SYT12: variants seen among roughly 807,000 people sequenced by gnomAD.
SYT12 encodes the protein synaptotagmin-12.
Under a neutral mutation model 39.5 loss-of-function variants are expected in SYT12, and 27 were observed. The ratio of observed to expected loss-of-function variants is 0.68; its 90% CI spans 0.50 to 0.94. The LOEUF (loss-of-function observed/expected upper bound fraction) is 0.94, where lower values mean the gene tolerates loss of function less well. SYT12 is among the 40% of genes least tolerant of loss of function. SYT12 has a pLI of 0.00. For missense variants in SYT12, 536 were observed against 572.6 expected (o/e 0.94, Z 0.65); for synonymous variants, 233 against 239.7 (o/e 0.97, Z 0.26).
intron 3 of SYT12, among the ~76,000 whole-genome samples, chr11:67,016,097 A>G (rs1431763247): frequency 2.0e-5 from 3 of 152,158 alleles, no homozygotes; most frequent in Non-Finnish European, 2.9e-5. Context: ...CCTGACCAAC[A>G]TGGTGAAACC....
intron 3 of SYT12, among the ~76,000 whole-genome samples, chr11:67,012,958 G>C (rs1414439116): frequency 6.6e-6 from 1 of 152,116 alleles, no homozygotes; most frequent in Non-Finnish European, 1.5e-5. Flanking sequence ...ACCTGGGGGG[G>C]GTCATCCTTT....
chr11:67,039,938 A>G lies in SYT12; in HGVS notation c.356A>G (p.Glu119Gly). The G allele has an allele frequency of 6.2e-7, 1 of 1,613,660 alleles. No homozygotes were observed. Among genetic ancestry groups the G allele is most frequent in the Non-Finnish European group, 8.5e-7 (1 of 1,180,014 alleles). ...ELGPLELMGR[E>G]LDLAPYGTLR... is the part of the protein sequence containing the mutation. ...GGGCCTCTGGAGCTGATGGGCCGGG[A>G]GTTGGACCTGGCCCCCTATGGGACC... The change falls in exon 4 of 8, where the codon GAG (glutamate) becomes GGG (glycine). Residue 119 changes from glutamate to glycine, a missense_variant. Transcript: ENST00000527043.
upstream of SYT12, among the ~76,000 whole-genome samples, chr11:67,019,503 CT>C (rs1950086991): frequency 6.6e-6 from 1 of 151,530 alleles, no homozygotes; most frequent in African/African-American, 2.4e-5. Flanking sequence ...TCTCATGAGA[CT>C]TACTACCACG....
rs775757448 is a variant in SYT12 at position 67,034,768 on chromosome 11, C to A, written c.158C>A (p.Pro53Gln). 1 of 1,603,022 alleles carries A rather than the reference C, an allele frequency of 6.2e-7. No homozygotes were observed. Among genetic ancestry groups the A allele is most frequent in the Non-Finnish European group, 8.5e-7 (1 of 1,176,086 alleles). ...WTSGSFPSPS[P>Q]FPNYDYRYLQ... ...TCGGGGAGCTTCCCCAGCCCCTCTC[C>A]GTTCCCCAATTACGACTACAGGTAC... is the stretch of plus-strand genomic sequence containing the variant. Residue 53 changes from proline (P) to glutamine (Q), a missense_variant, in exon 3 of 8, where the codon CCG becomes CAG. Coordinates refer to ENST00000527043, the MANE Select transcript of SYT12 (RefSeq NM_177963.4).
chr11:67,026,051 C>T (rs1025756291), intron 1 of SYT12, among the ~76,000 whole-genome samples: 16 of 151,604 alleles, frequency 1.1e-4, no homozygotes, highest in African/African-American at 3.2e-4. Flanking sequence ...AGCGAAACTC[C>T]GTCTCAAAAA....
chr11:67,034,714 C>T lies in SYT12; in HGVS notation c.104C>T (p.Ala35Val). ...GGGGCCCTGGCCCTGCTGGGAATCG[C>T]AGCTGTGAGCCTGTGGAAGCTCTGG... ...AAGALALLGI[A>V]AVSLWKLWTS... Residue 35 changes from alanine (A) to valine (V), a missense_variant, in exon 3 of 8, where the codon GCA becomes GTA. Transcript: ENST00000527043. 15 of 1,602,344 alleles carry T rather than the reference C, an allele frequency of 9.4e-6. No homozygotes were observed. The highest frequency in any genetic ancestry group is 1.3e-5 in the Non-Finnish European group (15 of 1,175,636).
intron 2 of SYT12, among the ~76,000 whole-genome samples, chr11:67,033,296 C>T (rs544468819): frequency 2.6e-5 from 4 of 152,304 alleles, no homozygotes; most frequent in African/African-American, 9.6e-5. Flanking sequence ...AGGAGGCCTT[C>T]CTGGGCTGCT....
intron 1 of SYT12, 25 bp downstream of exon 1, chr11:67,023,485 C>T (rs1193411206): frequency 1.3e-5 from 2 of 151,526 alleles, no homozygotes; most frequent in African/African-American, 4.8e-5. Context: ...CGCCGACCCC[C>T]GTGCGCGGCC....
In SYT12 at chr11:67,048,631, T is replaced by C; in HGVS notation, c.1140T>C (p.Arg380=). ...TGGCTGAGAGCAGCAGCGACGGCCG[T>C]GGGGACAACGTGGGCCATGTCATCA... The part of the protein sequence containing the change: ...VTVAESSSDG[R]GDNVGHVIIG... Residue 380 remains arginine, a synonymous_variant, in exon 8 of 8, where the codon CGT becomes CGC. Coordinates refer to ENST00000527043, the MANE Select transcript of SYT12 (RefSeq NM_177963.4). 2 of 1,611,586 alleles carry C rather than the reference T, an allele frequency of 1.2e-6. No homozygotes were observed. Among genetic ancestry groups the C allele is most frequent in the Non-Finnish European group, 1.7e-6 (2 of 1,178,212 alleles).
At position 67,044,491 on chromosome 11, in the gene SYT12, A is replaced by G. The variant is rs931498097; in HGVS notation, c.838-102A>G. Reference sequence around the variant, plus strand: ...GGGCCCCCAGTGCAGCCACTTCTCTATGGAGAAGGAAGCCCCAGCCTTTCC... The same window carrying G: ...GGGCCCCCAGTGCAGCCACTTCTCTGTGGAGAAGGAAGCCCCAGCCTTTCC... On this transcript the variant is annotated intron_variant, in intron 5 of 7. Transcript: ENST00000527043. 4.7e-6 allele frequency: 7 copies of G among 1,497,486 alleles called. No homozygotes were observed. The East Asian group carries it at 9.3e-5, about 20-fold the overall frequency. 92.8% of individuals were successfully genotyped at this position (1,497,486 alleles called of 1,614,324 possible).
At chr11:67,034,087 C>A (rs1722582625) in intron 2 of SYT12, among the ~76,000 whole-genome samples, 1 of 152,134 alleles carries the variant, frequency 6.6e-6, no homozygotes, top group South Asian at 2.1e-4. Context: ...AAGCAATTTA[C>A]CCACTTAAAG....
intron 2 of SYT12, 43 bp from the exon 3 acceptor site, chr11:67,034,602 A>G (rs376916469): frequency 1.3e-6 from 2 of 1,542,822 alleles, no homozygotes; most frequent in East Asian, 2.4e-5. Flanking sequence ...GGGGGTCTGT[A>G]TCCACTAGGA....
At chr11:67,008,968 A>C (rs532548487) in intron 1 of SYT12, among the ~76,000 whole-genome samples, 1 of 152,090 alleles carries the variant, frequency 6.6e-6, no homozygotes, top group African/African-American at 2.4e-5. Flanking sequence ...TGCACTGAGA[A>C]TGGTGCCAGG....
At chr11:67,016,282 A>G (rs1950058798) in intron 3 of SYT12, among the ~76,000 whole-genome samples, 1 of 152,180 alleles carries the variant, frequency 6.6e-6, no homozygotes, top group Non-Finnish European at 1.5e-5. Flanking sequence ...TTTCTGTCTC[A>G]TTAAGAAAAT....
At chr11:67,037,468 T>TG (rs1950403217) in intron 3 of SYT12, among the ~76,000 whole-genome samples, 1 of 151,796 alleles carries the variant, frequency 6.6e-6, no homozygotes, top group Admixed American at 6.6e-5. Flanking sequence ...CCCAGCACTT[T>TG]GGGTAGCCAA....
intron 1 of SYT12, among the ~76,000 whole-genome samples, chr11:67,026,059 A>G (rs2136204778): frequency 6.6e-6 from 1 of 152,174 alleles, no homozygotes; most frequent in Non-Finnish European, 1.5e-5. Context: ...TCCGTCTCAA[A>G]AAAATAAATT....
upstream of SYT12, among the ~76,000 whole-genome samples, chr11:67,018,983 T>C (rs531427788): frequency 4.6e-5 from 7 of 152,288 alleles, no homozygotes; most frequent in South Asian, 1.5e-3. Flanking sequence ...CTGTTCCAAC[T>C]GTATTCATCG....
chr11:67,029,936 C>G, intron 1 of SYT12, 186 bp from the exon 2 acceptor site: 1 of 574,212 alleles, frequency 1.7e-6, no homozygotes, highest in Admixed American at 3.2e-5. Context: ...TGAGAAGAGT[C>G]TTAGAATGCT....
At chr11:67,037,443 G>C (rs1400031531) in intron 3 of SYT12, among the ~76,000 whole-genome samples, 1 of 151,998 alleles carries the variant, frequency 6.6e-6, no homozygotes, top group African/African-American at 2.4e-5. Flanking sequence ...AGGTGCAGTG[G>C]CTCATGTCTG....
Sources: gnomAD v4.1 joint callset for allele counts (sites outside exome capture counted in the v4.1 genomes callset) on GRCh38, gnomAD v4.1.1 for gene constraint, MANE v1.5 for transcripts, NCBI Gene and HGNC (gene_info 2026-07-23, HGNC 2026-07-21) for gene names.